The following EPM2A variants were observed in gnomAD, a reference collection of about 807,000 sequenced individuals.
EPM2A encodes the protein EPM2A glucan phosphatase, laforin.
Under a neutral mutation model 26.5 loss-of-function variants are expected in EPM2A, and 21 were observed. That is an observed-to-expected ratio of 0.79 (90% confidence interval 0.56 to 1.14). EPM2A has a LOEUF of 1.14. Among genes scored for constraint, EPM2A ranks in the 50% most tolerant of loss-of-function variants. The pLI, the probability that EPM2A is intolerant of heterozygous loss-of-function variation, is 0.00. For missense variants in EPM2A, 458 were observed against 440.8 expected (o/e 1.04, Z -0.35); for synonymous variants, 217 against 177.6 (o/e 1.22, Z -1.76).
chr6:145,494,380 CTTTA>C (rs1432628967), intron 4 of EPM2A, among the ~76,000 whole-genome samples: 4 of 151,954 alleles, frequency 2.6e-5, no homozygotes, highest in African/African-American at 9.7e-5. Flanking sequence ...CTCTTTTCTT[CTTTA>C]TTTGTCTAGG....
chr6:145,519,084 A>G (rs1292042268), intron 2 of EPM2A, among the ~76,000 whole-genome samples: 1 of 152,254 alleles, frequency 6.6e-6, no homozygotes, highest in East Asian at 1.9e-4. Context: ...GATAATAGCT[A>G]TATTTCCTTA....
intron 2 of EPM2A, among the ~76,000 whole-genome samples, chr6:145,557,701 A>G (rs1780747550): frequency 6.6e-6 from 1 of 152,164 alleles, no homozygotes; most frequent in Non-Finnish European, 1.5e-5. Flanking sequence ...CAAGAAAATT[A>G]GCATATGTAT....
intron 4 of EPM2A, among the ~76,000 whole-genome samples, chr6:145,439,260 C>T (rs12190541): frequency 0.093 from 14,143 of 152,116 alleles, 884 homozygotes; most frequent in South Asian, 0.18. Context: ...TTGAATAATG[C>T]TGCAATAACA....
At chr6:145,518,907 G>C (rs192670202) in intron 2 of EPM2A, among the ~76,000 whole-genome samples, 3 of 150,912 alleles carry the variant, frequency 2.0e-5, no homozygotes, top group African/African-American at 4.9e-5. Context: ...TACAGAAGTT[G>C]AGACTGAGTT....
At chr6:145,727,570 G>A (rs984391739) in intron 1 of EPM2A, among the ~76,000 whole-genome samples, 2 of 151,768 alleles carry the variant, frequency 1.3e-5, no homozygotes, top group African/African-American at 2.4e-5. Flanking sequence ...TTACTGAGCA[G>A]CTACTATGTA....
At chr6:145,524,686 A>G (rs113940719) in intron 2 of EPM2A, among the ~76,000 whole-genome samples, 222 of 152,094 alleles carry the variant, frequency 1.5e-3, no homozygotes, top group African/African-American at 5.1e-3. Flanking sequence ...TCAGATGCAC[A>G]GTTTGTGAAT....
chr6:145,471,520 A>G (rs1024654910), intron 4 of EPM2A, among the ~76,000 whole-genome samples: 2 of 152,124 alleles, frequency 1.3e-5, no homozygotes, highest in Non-Finnish European at 2.9e-5. Context: ...GAGATAAAAA[A>G]GACAGTAAGA....
At chr6:145,579,911 T>A (rs1781089786) in intron 2 of EPM2A, among the ~76,000 whole-genome samples, 1 of 152,170 alleles carries the variant, frequency 6.6e-6, no homozygotes, top group Non-Finnish European at 1.5e-5. Flanking sequence ...TATAACAGTC[T>A]ATATTCAAGT....
At position 145,443,049 on chromosome 6, in the gene EPM2A, T is replaced by G. The variant is rs556738129; in HGVS notation, c.556-58952A>C. On this transcript the variant is annotated intron_variant, in intron 4 of 4. Transcript: ENST00000638717. The stretch of plus-strand genomic sequence containing the variant: ...CTAATTTTTGTGTGTGTGTGTGTGT[T>G]TTTAGTAGAGATGGGGTTTCACCAT... Among the ~76,000 whole-genome samples, 901 of 150,602 alleles carry G rather than the reference T, an allele frequency of 6.0e-3. 4 individuals are homozygous for G. Among genetic ancestry groups the G allele is most frequent in the Non-Finnish European group, 0.01 (693 of 67,856 alleles).
intron 2 of EPM2A, chr6:145,636,723 A>C (rs1364436214): frequency 6.6e-6 from 1 of 152,026 alleles, no homozygotes; most frequent in Non-Finnish European, 1.5e-5. Context: ...GAAGTTCCAG[A>C]CCAGCCCAGC....
intron 4 of EPM2A, among the ~76,000 whole-genome samples, chr6:145,402,108 A>G (rs951105578): frequency 6.6e-6 from 1 of 152,124 alleles, no homozygotes; most frequent in East Asian, 1.9e-4. Flanking sequence ...CTCCCAAAAT[A>G]CTTCTTAATT....
intron 1 of EPM2A, among the ~76,000 whole-genome samples, chr6:145,695,911 CA>C (rs1228085978): frequency 1.3e-5 from 2 of 151,994 alleles, no homozygotes; most frequent in African/African-American, 4.8e-5. Flanking sequence ...AATAAGGAAA[CA>C]TTGGACTTTA....
intron 4 of EPM2A, among the ~76,000 whole-genome samples, chr6:145,427,119 A>G (rs1778862941): frequency 6.6e-6 from 1 of 152,232 alleles, no homozygotes; most frequent in Admixed American, 6.5e-5. Context: ...AGCATCATTC[A>G]ACAAATTCCA....
At chr6:145,481,350 A>G (rs542002062) in intron 4 of EPM2A, among the ~76,000 whole-genome samples, 14 of 152,218 alleles carry the variant, frequency 9.2e-5, no homozygotes, top group African/African-American at 3.4e-4. Context: ...GAATTTTCAG[A>G]AAATTTATTC....
chr6:145,469,471 A>G (rs756366680), intron 4 of EPM2A, among the ~76,000 whole-genome samples: 3 of 152,156 alleles, frequency 2.0e-5, no homozygotes, highest in Non-Finnish European at 2.9e-5. Context: ...ATCTACAATG[A>G]GATATCATCT....
chr6:145,574,336 T>C (rs189672034), intron 2 of EPM2A, among the ~76,000 whole-genome samples: 1 of 152,292 alleles, frequency 6.6e-6, no homozygotes, highest in East Asian at 1.9e-4. Flanking sequence ...ACTATTCTGA[T>C]TGCTGCTTTG....
chr6:145,625,902 C>A lies in EPM2A; in HGVS notation c.*1514G>T. The stretch of plus-strand genomic sequence containing the variant: ...AGGAAGGTGCAGAAAAATAAATACG[C>A]ATCATAGTTTAATTAGGAAAGTAAG... On this transcript the variant is annotated 3_prime_UTR_variant, in exon 4 of 4. Transcript: ENST00000367519. 6.9e-7 allele frequency: 1 copy of A among 1,451,892 alleles called. No individual in the cohort carries two copies. The highest frequency in any genetic ancestry group is 1.4e-5 in the South Asian group (1 of 69,948). 89.9% of individuals were successfully genotyped at this position (1,451,892 alleles called of 1,614,324 possible).
chr6:145,489,907 G>A (rs1779732516), intron 4 of EPM2A: 2 of 1,351,490 alleles, frequency 1.5e-6, no homozygotes, highest in South Asian at 1.2e-5. Context: ...ACCTTCTTCA[G>A]TCTGAATTCG....
chr6:145,655,918 T>C (rs1306204824), intron 2 of EPM2A, among the ~76,000 whole-genome samples: 1 of 152,166 alleles, frequency 6.6e-6, no homozygotes, highest in African/African-American at 2.4e-5. Flanking sequence ...GTTTGGAAAG[T>C]ATTTTGAGGC....
Sources: gnomAD v4.1 joint callset for allele counts (sites outside exome capture counted in the v4.1 genomes callset) on GRCh38, gnomAD v4.1.1 for gene constraint, MANE v1.5 for transcripts, NCBI Gene and HGNC (gene_info 2026-07-23, HGNC 2026-07-21) for gene names.